The following NRG3 variants were observed in gnomAD, a reference collection of about 807,000 sequenced individuals.
The protein encoded by NRG3 is neuregulin 3, also known as pro-neuregulin-3, membrane-bound isoform.
NRG3 carries 31 observed loss-of-function variants against 66.9 expected under a neutral mutation model. That is an observed-to-expected ratio of 0.46 (90% CI 0.35 to 0.63). The LOEUF is 0.63. Among genes scored for constraint, NRG3 ranks in the 20% least tolerant of loss-of-function variants. NRG3 has a pLI of 0.00. For synonymous variants in NRG3, 393 were observed against 359.4 expected (o/e 1.09, Z -1.06); for missense variants, 910 against 878.9 (o/e 1.04, Z -0.45).
chr10:82,617,357 A>C (rs1320750134), intron 2 of NRG3, among the ~76,000 whole-genome samples: 4 of 151,644 alleles, frequency 2.6e-5, no homozygotes, highest in Admixed American at 2.0e-4. Flanking sequence ...CACACACACC[A>C]CACACATGGC....
At position 81,976,776 on chromosome 10, in the gene NRG3, C is replaced by A. The variant is rs60657607; in HGVS notation, c.823+100613C>A. On this transcript the variant is annotated intron_variant, in intron 1 of 8. Transcript: ENST00000372141. Reference sequence around the variant, plus strand: ...CAATTATTTCTTTCTTGGATGTGAGCTAATTTCTATTGGACATTAAATTCT... The same window carrying A: ...CAATTATTTCTTTCTTGGATGTGAGATAATTTCTATTGGACATTAAATTCT... Among the ~76,000 whole-genome samples the A allele has an allele frequency of 8.0e-3, 1,215 of 152,246 alleles. 18 individuals carry two copies. Among genetic ancestry groups the A allele is most frequent in the African/African-American group, 0.028 (1,160 of 41,554 alleles).
intron 3 of NRG3, among the ~76,000 whole-genome samples, chr10:82,797,962 T>A (rs1238595568): frequency 6.6e-6 from 1 of 152,204 alleles, no homozygotes; most frequent in Non-Finnish European, 1.5e-5. Context: ...CAGTAACTAG[T>A]AAAATAATCA....
chr10:82,619,487 A>C (rs990183664), intron 2 of NRG3, among the ~76,000 whole-genome samples: 2 of 152,190 alleles, frequency 1.3e-5, no homozygotes, highest in African/African-American at 2.4e-5. Context: ...AAAGAAAAAT[A>C]CCTGAGGAAA....
At chr10:82,650,350 G>A (rs1047640449) in intron 2 of NRG3, among the ~76,000 whole-genome samples, 9 of 152,060 alleles carry the variant, frequency 5.9e-5, no homozygotes, top group Non-Finnish European at 1.3e-4. Flanking sequence ...TCCTCCCAGC[G>A]AGCTATTAAT....
At chr10:82,126,326 T>G (rs2068446463) in intron 1 of NRG3, among the ~76,000 whole-genome samples, 1 of 152,094 alleles carries the variant, frequency 6.6e-6, no homozygotes, top group Admixed American at 6.6e-5. Context: ...TAAATTTAAT[T>G]TTTTTCTACA....
chr10:82,530,320 C>T (rs530783161), intron 2 of NRG3, among the ~76,000 whole-genome samples: 1 of 152,014 alleles, frequency 6.6e-6, no homozygotes, highest in Admixed American at 6.6e-5. Context: ...TCCAAAAAGC[C>T]TTCAATAATC....
chr10:82,363,857 C>T (rs1221150162), intron 2 of NRG3, among the ~76,000 whole-genome samples: 1 of 152,006 alleles, frequency 6.6e-6, no homozygotes, highest in Non-Finnish European at 1.5e-5. Flanking sequence ...ATTTAAATGT[C>T]TATATAAATT....
rs1022674357 is a variant in NRG3, at chr10:82,952,489, G to C, written c.1157+918G>C. 3.7e-3 allele frequency among the ~76,000 whole-genome samples: 543 copies of C among 148,328 alleles called. 8 individuals are homozygous for C. Among genetic ancestry groups the C allele is most frequent in the African/African-American group, 9.3e-3 (372 of 40,018 alleles). On this transcript the variant is annotated intron_variant, in intron 5 of 8. Transcript: ENST00000372141. Reference sequence around the variant, plus strand: ...TCTCTCTCTGTGTGTGTGTGTGTGTGTGTGTGTGTGTGTGTGTGTGTGTGT... The same window carrying C: ...TCTCTCTCTGTGTGTGTGTGTGTGTCTGTGTGTGTGTGTGTGTGTGTGTGT...
intron 1 of NRG3, among the ~76,000 whole-genome samples, chr10:82,013,334 C>G (rs1309947983): frequency 1.3e-5 from 2 of 152,142 alleles, no homozygotes; most frequent in Admixed American, 6.6e-5. Context: ...TCCACCTCGC[C>G]TTGCCCTTGA....
At chr10:82,968,650 A>AGGCT (rs1307376582) in intron 6 of NRG3, among the ~76,000 whole-genome samples, 1 of 110,382 alleles carries the variant, frequency 9.1e-6, no homozygotes, top group African/African-American at 3.0e-5. Flanking sequence ...GAAGGAAGGG[A>AGGCT]GGAAGGGAGG....
intron 2 of NRG3, among the ~76,000 whole-genome samples, chr10:82,665,505 A>G (rs949012487): frequency 2.6e-5 from 4 of 152,236 alleles, no homozygotes; most frequent in African/African-American, 7.2e-5. Flanking sequence ...ACTCTGTACT[A>G]ATTCCATTGC....
chr10:81,899,936 A>G lies in NRG3; in HGVS notation c.823+23773A>G, dbSNP rs184607036. ...AGGAGAATCTGCTGTGTGTTTACAT[A>G]TTTTAAACATGTATGGCACCCTAGG... On this transcript the variant is annotated intron_variant, in intron 1 of 8. Transcript: ENST00000372141. 2.0e-3 allele frequency among the ~76,000 whole-genome samples: 298 copies of G among 151,472 alleles called. 1 individual carries two copies. Among genetic ancestry groups the G allele is most frequent in the Admixed American group, 2.2e-3 (33 of 15,222 alleles).
rs2083944606 is a variant in NRG3 at position 82,358,868 on chromosome 10, G to A, written c.953G>A (p.Arg318Gln). 2 of 1,613,988 alleles carry A rather than the reference G, an allele frequency of 1.2e-6. No homozygotes were observed. Among genetic ancestry groups the A allele is most frequent in the African/African-American group, 1.3e-5 (1 of 74,940 alleles). Residue 318 changes from arginine to glutamine, a missense_variant and splice_region_variant, in exon 2 of 9, where the codon CGG becomes CAG. Coordinates refer to ENST00000372141, the MANE Select transcript of NRG3 (RefSeq NM_001010848.4). ...ETLTGSHKHC[R>Q]CKEGYQGVRC... ...CTGACCGGATCCCATAAACACTGTC[G>A]GTAAGCCACTGAGGCCACTGATGGA... is the stretch of plus-strand genomic sequence containing the variant.
intron 1 of NRG3, among the ~76,000 whole-genome samples, chr10:82,087,810 A>G (rs1257623229): frequency 2.0e-5 from 3 of 152,152 alleles, no homozygotes; most frequent in African/African-American, 4.8e-5. Context: ...AATCCTAGCC[A>G]CTCTCAAATG....
intron 2 of NRG3, among the ~76,000 whole-genome samples, chr10:82,717,195 A>T (rs1445792792): frequency 6.6e-6 from 1 of 152,112 alleles, no homozygotes; most frequent in Non-Finnish European, 1.5e-5. Context: ...ACATCTAGAA[A>T]CAATTTTGGT....
chr10:82,227,881 C>A (rs2076248117), intron 1 of NRG3, among the ~76,000 whole-genome samples: 1 of 152,152 alleles, frequency 6.6e-6, no homozygotes, highest in Non-Finnish European at 1.5e-5. Flanking sequence ...GTGTTAGGGG[C>A]AGCCTTCATT....
chr10:82,020,587 A>G (rs149012485), intron 1 of NRG3, among the ~76,000 whole-genome samples: 1 of 152,260 alleles, frequency 6.6e-6, no homozygotes, highest in Non-Finnish European at 1.5e-5. Flanking sequence ...CCAGATTTCA[A>G]AGACTTTCAT....
At chr10:82,546,997 T>C (rs897329521) in intron 2 of NRG3, among the ~76,000 whole-genome samples, 11 of 152,172 alleles carry the variant, frequency 7.2e-5, no homozygotes, top group Admixed American at 5.9e-4. Flanking sequence ...ATGATGATGA[T>C]AGAGTTGGCA....
At chr10:82,749,864 A>C (rs547030994) in intron 3 of NRG3, among the ~76,000 whole-genome samples, 1 of 152,062 alleles carries the variant, frequency 6.6e-6, no homozygotes, top group Middle Eastern at 3.5e-3. Flanking sequence ...TAACCACAAA[A>C]CCCAATTAGC....
Sources: gnomAD v4.1 joint callset for allele counts (sites outside exome capture counted in the v4.1 genomes callset) on GRCh38, gnomAD v4.1.1 for gene constraint, MANE v1.5 for transcripts, NCBI Gene and HGNC (gene_info 2026-07-23, HGNC 2026-07-21) for gene names.